The following KY variants were observed in gnomAD, a reference collection of about 807,000 sequenced individuals.
KY encodes the protein kyphoscoliosis peptidase.
KY carries 43 observed loss-of-function variants against 76.1 expected under a neutral mutation model. That is an observed-to-expected ratio of 0.57 (90% CI 0.44 to 0.73). The LOEUF is 0.73. KY is among the 30% of genes least tolerant of loss of function. The pLI is 0.00. For synonymous variants in KY, 277 were observed against 326.2 expected (o/e 0.85, Z 1.63); for missense variants, 722 against 828.9 (o/e 0.87, Z 1.58).
At chr3:134,640,639 G>A (rs577302218) in intron 3 of KY, among the ~76,000 whole-genome samples, 15 of 152,280 alleles carry the variant, frequency 9.9e-5, no homozygotes, top group African/African-American at 3.6e-4. Flanking sequence ...ATGGAGTAAC[G>A]ATTCCCTGGC....
At chr3:134,648,439 G>T (rs551052448) in intron 1 of KY, among the ~76,000 whole-genome samples, 1 of 152,212 alleles carries the variant, frequency 6.6e-6, no homozygotes, top group South Asian at 2.1e-4. Context: ...TAGACTTTTG[G>T]GATAAGACCT....
chr3:134,610,287 C>T lies in KY; in HGVS notation c.807G>A (p.Trp269Ter), dbSNP rs1464288616. 1.2e-6 allele frequency: 2 copies of T among 1,613,920 alleles called. No individual in the cohort carries two copies. The highest frequency in any genetic ancestry group is 1.7e-6 in the Non-Finnish European group (2 of 1,179,872). ...QSFSGEFDHA[W>*]NAVYLEGRWH... is the part of the protein sequence containing the mutation. ...ATCTTCCCTCCAGGTACACAGCATTCCAGGCATGGTCAAACTCCCCCGAGA... is the reference window on the plus strand; with the variant it reads ...ATCTTCCCTCCAGGTACACAGCATTTCAGGCATGGTCAAACTCCCCCGAGA... The change falls in exon 9 of 11, where the codon TGG (tryptophan) becomes TGA (stop). Residue 269 changes from tryptophan (W) to a stop codon, truncating the protein, a stop_gained. Coordinates refer to ENST00000423778, the MANE Select transcript of KY (RefSeq NM_178554.6). LOFTEE classifies it high-confidence loss of function.
intron 10 of KY, chr3:134,607,920 G>T: frequency 1.0e-6 from 1 of 991,572 alleles, no homozygotes; most frequent in Non-Finnish European, 1.2e-6. Context: ...GCCTGAGTTT[G>T]GAGGCTGGGG....
chr3:134,603,482 G>T lies in KY; in HGVS notation c.*97C>A. The T allele has an allele frequency of 9.2e-7, 1 of 1,085,318 alleles. No homozygotes were observed. Among genetic ancestry groups the T allele is most frequent in the Non-Finnish European group, 1.3e-6 (1 of 753,266 alleles). 67.2% of individuals were successfully genotyped at this position (1,085,318 alleles called of 1,614,324 possible). A position where few individuals can be genotyped will look rare whatever the true frequency, so the allele number is the denominator to read the frequency against. ...AGAGGCCTAGAAGGGATTTCATGCA[G>T]ACTCAGTGGTGTCCAGGGCTCCCTG... On this transcript the variant is annotated 3_prime_UTR_variant, in exon 11 of 11. Coordinates refer to ENST00000423778, the MANE Select transcript of KY (RefSeq NM_178554.6).
chr3:134,643,388 G>A lies in KY; in HGVS notation c.200-10C>T. On this transcript the variant is annotated splice_polypyrimidine_tract_variant and intron_variant, in intron 2 of 10. Coordinates refer to ENST00000423778, the MANE Select transcript of KY (RefSeq NM_178554.6). Reference sequence around the variant, plus strand: ...TTCTCCACCAAGTTTTCTATTTAAGGAAGACAGAGAGGCCTGCAGTGACCA... The same window carrying A: ...TTCTCCACCAAGTTTTCTATTTAAGAAAGACAGAGAGGCCTGCAGTGACCA... 1 of 1,613,348 alleles carries A rather than the reference G, an allele frequency of 6.2e-7. No homozygotes were observed. The highest frequency in any genetic ancestry group is 8.5e-7 in the Non-Finnish European group (1 of 1,179,352).
intron 1 of KY, among the ~76,000 whole-genome samples, chr3:134,649,809 G>A (rs1476801653): frequency 6.6e-6 from 1 of 152,260 alleles, no homozygotes; most frequent in Non-Finnish European, 1.5e-5. Context: ...GCAGGTGGAA[G>A]GTGGATGTTC....
intron 3 of KY, among the ~76,000 whole-genome samples, chr3:134,641,559 A>T (rs1965767075): frequency 1.3e-5 from 2 of 152,098 alleles, no homozygotes; most frequent in Non-Finnish European, 2.9e-5. Context: ...GCCTCTAAAA[A>T]ACGCTGGCCC....
In KY at chr3:134,604,187, G is replaced by A. The variant is rs761623130; in HGVS notation, c.1378C>T (p.Gln460Ter). ...TGGGAGGGCTTCATGATGCCCATCTGCTCCGAGAACCAGCTGGGGCCCACG... is the reference window on the plus strand; with the variant it reads ...TGGGAGGGCTTCATGATGCCCATCTACTCCGAGAACCAGCTGGGGCCCACG... ...QPVGPSWFSEQMGIMKPSHPD... is the reference protein window; with the variant it reads ...QPVGPSWFSE Residue 460 changes from glutamine to a stop codon, truncating the protein, a stop_gained, in exon 11 of 11, where the codon CAG (glutamine) becomes TAG (stop). Coordinates refer to ENST00000423778, the MANE Select transcript of KY (RefSeq NM_178554.6). LOFTEE classifies it high-confidence loss of function. 6.2e-7 allele frequency: 1 copy of A among 1,611,392 alleles called. No homozygotes were observed. The highest frequency in any genetic ancestry group is 8.5e-7 in the Non-Finnish European group (1 of 1,178,866).
In KY at chr3:134,650,882, G is replaced by T. The variant is rs747891863; in HGVS notation, c.79C>A (p.Gln27Lys). Reference sequence around the variant, plus strand: ...GCCTGCTGGTCTGAGAGCGTACCCTGTGCGGCGCGCCGCTTCTCCGAGTGC... The same window carrying T: ...GCCTGCTGGTCTGAGAGCGTACCCTTTGCGGCGCGCCGCTTCTCCGAGTGC... ...IVHSEKRRAA[Q>K]GTLSDQQANP... is the part of the protein sequence containing the mutation. Residue 27 changes from glutamine (Q) to lysine (K), a missense_variant, in exon 1 of 11, where the codon CAG becomes AAG. Physicochemically the swap from Gln to Lys is moderately conservative, Grantham distance 53. Around this residue, in one of 2 missense-constraint regions of KY, gnomAD observed 170 missense variants for 148.1 expected, o/e 1.15. Transcript: ENST00000423778. 6 of 1,612,876 alleles carry T rather than the reference G, an allele frequency of 3.7e-6. No homozygotes were observed. In the East Asian group the frequency reaches 8.9e-5, roughly 24 times the overall value.
At chr3:134,612,411 C>T (rs1190784446) in intron 8 of KY, among the ~76,000 whole-genome samples, 1 of 152,146 alleles carries the variant, frequency 6.6e-6, no homozygotes, top group Non-Finnish European at 1.5e-5. Context: ...GTGCTCTCTC[C>T]TCATTTCTCT....
rs76741183 is a variant in KY, at chr3:134,645,320, C to G, written c.200-1942G>C. Among the ~76,000 whole-genome samples, 701 of 152,314 alleles carry G rather than the reference C, an allele frequency of 4.6e-3. 6 individuals are homozygous for G. The highest frequency in any genetic ancestry group is 0.016 in the African/African-American group (646 of 41,554). ...CACCCTGCCAGTGTTCCAGCCCAAG[C>G]AGTGCACGGGGTAGCAAGAGGGGGA... On this transcript the variant is annotated intron_variant, in intron 2 of 10. Transcript: ENST00000423778.
chr3:134,633,848 G>C (rs1326663223), intron 3 of KY, among the ~76,000 whole-genome samples: 1 of 152,088 alleles, frequency 6.6e-6, no homozygotes, highest in African/African-American at 2.4e-5. Context: ...TGTCTACATA[G>C]GAAATCCCAA....
rs184185147 is a variant in KY, at chr3:134,600,151, T to C, written c.*3428A>G. On this transcript the variant is annotated 3_prime_UTR_variant, in exon 11 of 11. Transcript: ENST00000423778. ...CTTCGAAAATTTTGCCAATAGCAAA[T>C]GATGTAGTGATGCTGTTAACCCTCT... Among the ~76,000 whole-genome samples the C allele has an allele frequency of 5.2e-4, 79 of 152,284 alleles. No individual in the cohort carries two copies. Among genetic ancestry groups the C allele is most frequent in the Admixed American group, 2.4e-3 (37 of 15,296 alleles).
At position 134,600,094 on chromosome 3, in the gene KY, A is replaced by G. The variant is rs570553692; in HGVS notation, c.*3485T>C. Among the ~76,000 whole-genome samples, 93 of 152,354 alleles carry G rather than the reference A, an allele frequency of 6.1e-4. No homozygotes were observed. Among genetic ancestry groups the G allele is most frequent in the Middle Eastern group, 3.4e-3 (1 of 294 alleles). On this transcript the variant is annotated 3_prime_UTR_variant, in exon 11 of 11. Coordinates refer to ENST00000423778, the MANE Select transcript of KY (RefSeq NM_178554.6). The stretch of plus-strand genomic sequence containing the variant: ...AATGAAAAGAAATTATAGACCTAAG[A>G]TAAACTGAGGCGGGCAATAGAGGCA...
intron 1 of KY, among the ~76,000 whole-genome samples, chr3:134,648,209 CGAG>C (rs1484618585): frequency 1.3e-5 from 2 of 152,158 alleles, no homozygotes; most frequent in African/African-American, 4.8e-5. Context: ...CCTTGGTGGC[CGAG>C]GAGGTTTCCT....
At chr3:134,627,882 G>A (rs1346609779) in intron 4 of KY, 64 bp from the exon 5 acceptor site, 30 of 1,293,044 alleles carry the variant, frequency 2.3e-5, no homozygotes, top group Non-Finnish European at 3.0e-5. Flanking sequence ...AAGCACTGAT[G>A]ACTCACCTTC....
At chr3:134,608,989 G>T in intron 9 of KY, 150 bp from the exon 10 acceptor site, 1 of 891,232 alleles carries the variant, frequency 1.1e-6, no homozygotes, top group Non-Finnish European at 1.7e-6. Flanking sequence ...CTCCTCAGTG[G>T]ATGCTTCCAG....
In KY at chr3:134,627,463, A is replaced by C. The variant is rs573941556; in HGVS notation, c.400+293T>G. Among the ~76,000 whole-genome samples, 9 of 152,312 alleles carry C rather than the reference A, an allele frequency of 5.9e-5. No homozygotes were observed. The South Asian group carries it at 1.9e-3, about 32-fold the overall frequency. On this transcript the variant is annotated intron_variant, in intron 5 of 10. Transcript: ENST00000423778. ...ACATTTGGCATTCCATTTAAAGTTA[A>C]CATAATCCTGAATTACGATTTTAAT...
At chr3:134,632,674 A>G (rs1251210022) in intron 3 of KY, among the ~76,000 whole-genome samples, 1 of 151,964 alleles carries the variant, frequency 6.6e-6, no homozygotes, top group Admixed American at 6.6e-5. Flanking sequence ...CAAATCAACA[A>G]TCTAAGCTTC....
Sources: allele counts gnomAD v4.1 joint callset (sites outside exome capture counted in the v4.1 genomes callset), GRCh38; gene constraint gnomAD v4.1.1; regional missense constraint gnomAD v4.1.1; transcripts MANE v1.5; gene names NCBI Gene and HGNC (gene_info 2026-07-23, HGNC 2026-07-21).